TAFA1: variants seen among roughly 807,000 people sequenced by gnomAD.
TAFA1 encodes the protein chemokine-like protein TAFA-1.
A neutral mutation model predicts 18.5 loss-of-function variants in TAFA1; 4 were observed. The observed-to-expected ratio is 0.22, with a 90% CI of 0.11 to 0.49. The LOEUF (loss-of-function observed/expected upper bound fraction) is 0.49, where lower values mean the gene tolerates loss of function less well. Ranked by LOEUF, TAFA1 falls within the 20% of genes least tolerant of loss-of-function variation. TAFA1 has a pLI of 0.98. For synonymous variants in TAFA1, 56 were observed against 55.2 expected (o/e 1.01, Z -0.06); for missense variants, 147 against 169.0 (o/e 0.87, Z 0.72).
At chr3:68,356,462 C>T (rs1019689604) in intron 2 of TAFA1, among the ~76,000 whole-genome samples, 1 of 151,864 alleles carries the variant, frequency 6.6e-6, no homozygotes. Flanking sequence ...ATCTCAGGTA[C>T]AGTAAAACAG....
intron 2 of TAFA1, among the ~76,000 whole-genome samples, chr3:68,047,833 T>C (rs1168820737): frequency 5.3e-5 from 8 of 152,126 alleles, no homozygotes; most frequent in Admixed American, 3.9e-4. Context: ...ATGATAGCTG[T>C]AGAGACTTCA....
chr3:68,016,319 T>C (rs544894254), intron 2 of TAFA1, among the ~76,000 whole-genome samples: 1 of 152,336 alleles, frequency 6.6e-6, no homozygotes, highest in African/African-American at 2.4e-5. Context: ...CATAAAATTA[T>C]AATACCATAT....
chr3:68,211,426 C>T lies in TAFA1; in HGVS notation c.118+204682C>T, dbSNP rs555648054. On this transcript the variant is annotated intron_variant, in intron 2 of 4. Coordinates refer to ENST00000478136, the MANE Select transcript of TAFA1 (RefSeq NM_213609.4). ...AATGCCTTCATTTTCATAATGATTC[C>T]GTCTGAATTTGGATATTTGAAAATA... 1.5e-4 allele frequency among the ~76,000 whole-genome samples: 23 copies of T among 152,068 alleles called. 1 individual carries two copies. The highest frequency in any genetic ancestry group is 4.1e-4 in the African/African-American group (17 of 41,516).
chr3:68,473,733 A>G (rs2106954693), intron 3 of TAFA1, among the ~76,000 whole-genome samples: 1 of 152,290 alleles, frequency 6.6e-6, no homozygotes, highest in Middle Eastern at 3.4e-3. Context: ...AGTCTTGATC[A>G]CTTGGCTTTC....
chr3:68,071,162 A>G (rs551241148), intron 2 of TAFA1, among the ~76,000 whole-genome samples: 2 of 152,362 alleles, frequency 1.3e-5, no homozygotes, highest in African/African-American at 4.8e-5. Context: ...ATACAGGAAA[A>G]AGGGTTTAAT....
intron 2 of TAFA1, among the ~76,000 whole-genome samples, chr3:68,008,311 A>G (rs1164994492): frequency 6.6e-6 from 1 of 152,250 alleles, no homozygotes; most frequent in African/African-American, 2.4e-5. Flanking sequence ...CTTAATCACA[A>G]TTTGTTCTGG....
intron 2 of TAFA1, among the ~76,000 whole-genome samples, chr3:68,009,925 A>C (rs1704437602): frequency 6.6e-6 from 1 of 152,008 alleles, no homozygotes. Flanking sequence ...ATAAATAAAT[A>C]AATTGCTGGA....
chr3:68,145,363 G>A, intron 2 of TAFA1: 1 of 815,614 alleles, frequency 1.2e-6, no homozygotes. Context: ...CCTTTGCCCT[G>A]GTCTCTCAAG....
At chr3:68,051,912 A>T (rs1301695794) in intron 2 of TAFA1, among the ~76,000 whole-genome samples, 1 of 152,176 alleles carries the variant, frequency 6.6e-6, no homozygotes, top group Admixed American at 6.6e-5. Context: ...AAGAATACAA[A>T]TGACATTCTT....
At chr3:68,523,606 T>C (rs1459069321) in intron 3 of TAFA1, among the ~76,000 whole-genome samples, 1 of 152,180 alleles carries the variant, frequency 6.6e-6, no homozygotes, top group Non-Finnish European at 1.5e-5. Flanking sequence ...CTGAATTTGA[T>C]TAAAATAAAA....
chr3:68,390,373 A>T (rs1406057152), intron 2 of TAFA1, among the ~76,000 whole-genome samples: 1 of 152,116 alleles, frequency 6.6e-6, no homozygotes, highest in African/African-American at 2.4e-5. Flanking sequence ...TTATATATAA[A>T]ACTCCCATCT....
At chr3:67,998,306 A>T in the TAFA1 span, among the ~76,000 whole-genome samples, 1 of 152,242 alleles carries the variant, frequency 6.6e-6, no homozygotes, top group Admixed American at 6.5e-5. Context: ...CTAAAAGTAC[A>T]TATGAAAGCT....
At chr3:68,494,133 G>A (rs555851545) in intron 3 of TAFA1, among the ~76,000 whole-genome samples, 64 of 152,162 alleles carry the variant, frequency 4.2e-4, no homozygotes, top group African/African-American at 1.5e-3. Context: ...ACAGAGTCTC[G>A]CTCTGTCACC....
intron 2 of TAFA1, among the ~76,000 whole-genome samples, chr3:68,386,150 C>A (rs182182066): frequency 6.6e-6 from 1 of 152,184 alleles, no homozygotes; most frequent in East Asian, 1.9e-4. Flanking sequence ...TTCTCCACAC[C>A]ATGAATAATA....
chr3:68,399,640 A>G (rs924089764), intron 2 of TAFA1, among the ~76,000 whole-genome samples: 1 of 152,180 alleles, frequency 6.6e-6, no homozygotes, highest in South Asian at 2.1e-4. Context: ...TAATGGATAT[A>G]TATTAATAAT....
chr3:68,225,784 G>A (rs1458349915), intron 2 of TAFA1, among the ~76,000 whole-genome samples: 1 of 151,944 alleles, frequency 6.6e-6, no homozygotes, highest in Non-Finnish European at 1.5e-5. Flanking sequence ...TTGGAAAATT[G>A]TGTAATCTTG....
intron 2 of TAFA1, among the ~76,000 whole-genome samples, chr3:68,103,686 C>T (rs1242366819): frequency 5.3e-5 from 8 of 152,092 alleles, no homozygotes; most frequent in South Asian, 2.1e-4. Context: ...CCGCTACTAC[C>T]ATCACCACCA....
chr3:68,257,279 G>A (rs976715554), intron 2 of TAFA1, among the ~76,000 whole-genome samples: 3 of 151,982 alleles, frequency 2.0e-5, no homozygotes, highest in African/African-American at 7.3e-5. Context: ...ATTTAAATTG[G>A]CCTCTCCCCA....
chr3:68,423,668 A>T (rs2071002007), intron 3 of TAFA1, among the ~76,000 whole-genome samples: 1 of 151,940 alleles, frequency 6.6e-6, no homozygotes, highest in Non-Finnish European at 1.5e-5. Context: ...TTATAGAATG[A>T]TTGAAGCTTC....
Sources: allele counts gnomAD v4.1 joint callset (sites outside exome capture counted in the v4.1 genomes callset), GRCh38; gene constraint gnomAD v4.1.1; transcripts MANE v1.5; gene names NCBI Gene and HGNC (gene_info 2026-07-23, HGNC 2026-07-21).